The following HNRNPM variants were observed in gnomAD, a reference collection of about 807,000 sequenced individuals.
The protein encoded by HNRNPM is CEA receptor.
In HNRNPM, 11 loss-of-function variants were observed where a neutral mutation model predicts 73.1. The observed-to-expected ratio is 0.15, with a 90% CI of 0.09 to 0.25. The LOEUF is 0.25. Ranked by LOEUF, HNRNPM falls within the 10% of genes least tolerant of loss-of-function variation. The pLI is 1.00. For synonymous variants in HNRNPM, 407 were observed against 355.2 expected (o/e 1.15, Z -1.64); for missense variants, 789 against 1,067.9 (o/e 0.74, Z 3.64).
At chr19:8,476,708 A>T (rs1209280314) in intron 12 of HNRNPM, among the ~76,000 whole-genome samples, 1 of 152,210 alleles carries the variant, frequency 6.6e-6, no homozygotes, top group Non-Finnish European at 1.5e-5. Flanking sequence ...GACAGCCAGT[A>T]AGATGAGTTA....
rs909278889 is a variant in HNRNPM at position 8,456,313 on chromosome 19, CCT to C, written c.283+749_283+750del. ...CTCACCCCCGTGCACACTGTGGTGT[CCT>C]CTCTCTCTCCTTCTTCCCTCCTGTG... On this transcript the variant is annotated intron_variant, in intron 2 of 15. Coordinates refer to ENST00000325495, the MANE Select transcript of HNRNPM (RefSeq NM_005968.5). Among the ~76,000 whole-genome samples, 3 of 152,238 alleles carry C rather than the reference CCT, an allele frequency of 2.0e-5. No homozygotes were observed. In the South Asian group the frequency reaches 6.2e-4, roughly 32 times the overall value.
chr19:8,451,760 G>C (rs1225762181), intron 1 of HNRNPM, among the ~76,000 whole-genome samples: 2 of 152,052 alleles, frequency 1.3e-5, no homozygotes, highest in Non-Finnish European at 2.9e-5. Flanking sequence ...CAAGACTCCT[G>C]GATTCAAGCA....
At position 8,476,202 on chromosome 19, in the gene HNRNPM, C is replaced by T. The variant is rs1051722865; in HGVS notation, c.1120+1958C>T. On this transcript the variant is annotated intron_variant, in intron 12 of 15. Transcript: ENST00000325495. ...CTTAGATGTTCTGAGATACGGCACT[C>T]GGAGTGCTCCCCACACCCTCTACAG... 5.3e-5 allele frequency among the ~76,000 whole-genome samples: 8 copies of T among 152,204 alleles called. No individual in the cohort carries two copies. In the East Asian group the frequency reaches 5.8e-4, roughly 11 times the overall value.
rs769661960 is a variant in HNRNPM at position 8,465,457 on chromosome 19, A to G, written c.572A>G (p.Asn191Ser). 2 of 1,613,708 alleles carry G rather than the reference A, an allele frequency of 1.2e-6. No homozygotes were observed. Among genetic ancestry groups the G allele is most frequent in the South Asian group, 2.2e-5 (2 of 91,036 alleles). ...PSILNNPNIP[N>S]EIIHALQAGR... ...ATCCTAAATAATCCCAACATCCCAA[A>G]TGAGATTATCCATGCATTACAGGCT... is the stretch of plus-strand genomic sequence containing the variant. The change falls in exon 6 of 16, where the codon AAT becomes AGT. Residue 191 changes from asparagine to serine, a missense_variant. Asn to Ser is a conservative substitution (Grantham distance 46). Around this residue, in one of 4 missense-constraint regions of HNRNPM, gnomAD observed 604 missense variants for 744.0 expected, o/e 0.81. Coordinates refer to ENST00000325495, the MANE Select transcript of HNRNPM (RefSeq NM_005968.5).
intron 12 of HNRNPM, among the ~76,000 whole-genome samples, chr19:8,479,902 G>A (rs1970789253): frequency 6.7e-6 from 1 of 149,102 alleles, no homozygotes; most frequent in Non-Finnish European, 1.5e-5. Context: ...AGCCTCCAGA[G>A]TAGCTGGGAT....
intron 12 of HNRNPM, among the ~76,000 whole-genome samples, chr19:8,481,085 C>G (rs545277264): frequency 6.6e-6 from 1 of 152,188 alleles, no homozygotes; most frequent in East Asian, 1.9e-4. Flanking sequence ...GTGCTCCTTT[C>G]CATAGTGCTT....
intron 1 of HNRNPM, among the ~76,000 whole-genome samples, chr19:8,454,964 C>G (rs1029028240): frequency 6.6e-6 from 1 of 151,926 alleles, no homozygotes; most frequent in African/African-American, 2.4e-5. Flanking sequence ...AATTCAAAAC[C>G]AACATTAGTC....
At chr19:8,471,172 C>T (rs537073739) in intron 9 of HNRNPM, among the ~76,000 whole-genome samples, 154 bp from the exon 10 acceptor site, 2 of 137,856 alleles carry the variant, frequency 1.5e-5, no homozygotes, top group Admixed American at 7.7e-5. Flanking sequence ...CCAAGTGTGC[C>T]GATGTTGAAT....
At chr19:8,471,993 A>G (rs1873725347) in intron 10 of HNRNPM, among the ~76,000 whole-genome samples, 1 of 152,146 alleles carries the variant, frequency 6.6e-6, no homozygotes, top group African/African-American at 2.4e-5. Flanking sequence ...CAACATGGTG[A>G]AACCCCATCT....
chr19:8,445,362 A>G, intron 1 of HNRNPM: 1 of 366,034 alleles, frequency 2.7e-6, no homozygotes, highest in Non-Finnish European at 4.9e-6. Context: ...CCAACCCCGT[A>G]GTCGAGGCCT....
chr19:8,455,548 C>A lies in HNRNPM; in HGVS notation c.257C>A (p.Ser86Ter). The stretch of plus-strand genomic sequence containing the variant: ...ATACCTTTTGATGTGAAATGGCAGT[C>A]ACTTAAAGACCTGGTTAAAGAAAAA... ...TNIPFDVKWQSLKDLVKEKVG... is the reference protein window; with the variant it reads ...TNIPFDVKWQ Residue 86 changes from serine to a stop codon, truncating the protein, a stop_gained, in exon 2 of 16, where the codon TCA becomes TAA. Transcript: ENST00000325495. LOFTEE classifies it high-confidence loss of function. 1 of 1,613,636 alleles carries A rather than the reference C, an allele frequency of 6.2e-7. No individual in the cohort carries two copies. Among genetic ancestry groups the A allele is most frequent in the South Asian group, 1.1e-5 (1 of 91,032 alleles).
chr19:8,462,719 G>C lies in HNRNPM; in HGVS notation c.336+138G>C. 2 of 764,006 alleles carry C rather than the reference G, an allele frequency of 2.6e-6. No homozygotes were observed. Among genetic ancestry groups the C allele is most frequent in the Non-Finnish European group, 4.6e-6 (2 of 432,760 alleles). 47.3% of individuals were successfully genotyped at this position (764,006 alleles called of 1,614,324 possible). ...CTATGTTTGATTTTGCCAAACATTTGAGTGGGGTGGGAGGGGATTTGCAAA... is the reference window on the plus strand; with the variant it reads ...CTATGTTTGATTTTGCCAAACATTTCAGTGGGGTGGGAGGGGATTTGCAAA... On this transcript the variant is annotated intron_variant, in intron 3 of 15. Transcript: ENST00000325495. This position sits in a 1 kb window ranked among gnomAD's most constrained non-coding sequence, Gnocchi z 4.5.
intron 12 of HNRNPM, chr19:8,482,416 A>G (rs984940363): frequency 3.3e-5 from 5 of 152,318 alleles, no homozygotes; most frequent in Non-Finnish European, 1.5e-5. Context: ...AGGTAATGCT[A>G]TGATAGCATC....
intron 10 of HNRNPM, among the ~76,000 whole-genome samples, chr19:8,471,859 A>AG (rs1412064497): frequency 6.6e-6 from 1 of 152,130 alleles, no homozygotes; most frequent in Non-Finnish European, 1.5e-5. Flanking sequence ...CTAGAGAGCT[A>AG]GGGGCATTGA....
At chr19:8,487,198 T>C (rs934063717) in intron 15 of HNRNPM, 123 bp downstream of exon 15, 2 of 813,080 alleles carry the variant, frequency 2.5e-6, no homozygotes, top group Non-Finnish European at 4.4e-6. Context: ...CTTGCCATGT[T>C]CTGCCCACGC....
At chr19:8,480,772 GGAGTGGCACAT>G (rs761596570) in intron 12 of HNRNPM, among the ~76,000 whole-genome samples, 18 of 152,212 alleles carry the variant, frequency 1.2e-4, no homozygotes, top group South Asian at 6.2e-4. Flanking sequence ...TCCGCTTTTT[GGAGTGGCACAT>G]GAGTGGCACA....
chr19:8,466,533 G>A (rs1969755328), intron 7 of HNRNPM, 145 bp downstream of exon 7: 15 of 896,872 alleles, frequency 1.7e-5, no homozygotes, highest in South Asian at 1.4e-4. Context: ...GAATTAAGAG[G>A]TTCTCTGGGC....
At chr19:8,486,881 T>G in intron 14 of HNRNPM, 143 bp from the exon 15 acceptor site, 1 of 740,998 alleles carries the variant, frequency 1.3e-6, no homozygotes, top group Non-Finnish European at 2.5e-6. Flanking sequence ...ATCTATTAGT[T>G]TCCTGCTGAT....
intron 1 of HNRNPM, among the ~76,000 whole-genome samples, chr19:8,449,281 G>GT (rs1324826528): frequency 6.6e-6 from 1 of 152,068 alleles, no homozygotes; most frequent in African/African-American, 2.4e-5. Context: ...TAGCTTGCTT[G>GT]TTTTTTTGGG....
Sources: gnomAD v4.1 joint callset for allele counts (sites outside exome capture counted in the v4.1 genomes callset) on GRCh38, gnomAD v4.1.1 for gene constraint, gnomAD v4.1.1 regional missense constraint, Gnocchi (gnomAD v3.1) non-coding constraint, MANE v1.5 for transcripts, NCBI Gene and HGNC (gene_info 2026-07-23, HGNC 2026-07-21) for gene names.